The following CFDP1 variants were observed in gnomAD, a reference collection of about 807,000 sequenced individuals.
CFDP1 encodes chromatin remodeling protein CFDP1, also known as heterochromatin-stabilizing protein CFDP1.
CFDP1 carries 31 observed loss-of-function variants against 40.1 expected under a neutral mutation model. The ratio of observed to expected loss-of-function variants is 0.77; its 90% CI spans 0.58 to 1.04. The LOEUF (loss-of-function observed/expected upper bound fraction) is 1.04. CFDP1 is among the 50% of genes least tolerant of loss of function. The pLI is 0.00. For missense variants in CFDP1, 423 were observed against 343.4 expected, an observed-to-expected ratio of 1.23 and a Z score of -1.83; for synonymous variants, 167 against 120.0, an observed-to-expected ratio of 1.39 and a Z score of -2.56.
chr16:75,379,365 C>CT (rs2078833541), intron 5 of CFDP1, among the ~76,000 whole-genome samples: 1 of 151,212 alleles, frequency 6.6e-6, no homozygotes, highest in Non-Finnish European at 1.5e-5. Context: ...AGAGAAGGCA[C>CT]AAATTACCAA....
At chr16:75,409,907 G>A (rs2079141614) in intron 4 of CFDP1, among the ~76,000 whole-genome samples, 1 of 151,840 alleles carries the variant, frequency 6.6e-6, no homozygotes, top group African/African-American at 2.4e-5. Flanking sequence ...ATAATAAAAA[G>A]TTTTGTTCCA....
intron 5 of CFDP1, among the ~76,000 whole-genome samples, chr16:75,353,216 C>A (rs2078624507): frequency 1.3e-5 from 2 of 152,280 alleles, no homozygotes; most frequent in East Asian, 3.9e-4. Flanking sequence ...AAACAATTAA[C>A]CAAACTTATT....
chr16:75,301,229 A>G (rs560138839), intron 6 of CFDP1, among the ~76,000 whole-genome samples: 186 of 152,320 alleles, frequency 1.2e-3, no homozygotes, highest in Admixed American at 1.6e-3. Context: ...TACTTTATAT[A>G]TGAAGAAAAT....
At chr16:75,301,196 C>T (rs546896950) in intron 6 of CFDP1, among the ~76,000 whole-genome samples, 77 of 152,148 alleles carry the variant, frequency 5.1e-4, no homozygotes, top group Admixed American at 1.0e-3. Flanking sequence ...ACAATAATCA[C>T]GAGAGGTATA....
intron 3 of CFDP1, 105 bp from the exon 4 acceptor site, chr16:75,412,057 C>T: frequency 8.2e-7 from 1 of 1,225,196 alleles, no homozygotes; most frequent in South Asian, 1.6e-5. Flanking sequence ...ACTCTGTAGC[C>T]CAAGCTGGAG....
chr16:75,320,920 T>C lies in CFDP1; in HGVS notation c.651-15738A>G, dbSNP rs138859886. 1.1e-4 allele frequency among the ~76,000 whole-genome samples: 16 copies of C among 152,272 alleles called. 1 individual carries two copies. In the East Asian group the frequency reaches 3.1e-3, roughly 29 times the overall value. On this transcript the variant is annotated intron_variant, in intron 5 of 6. Transcript: ENST00000283882. Reference sequence around the variant, plus strand: ...CCCAAATATAAGCTACTAAATGTACTTGTACTCTGGAAGAATGCTGGAAAA... The same window carrying C: ...CCCAAATATAAGCTACTAAATGTACCTGTACTCTGGAAGAATGCTGGAAAA...
chr16:75,352,001 C>G (rs1413799047), intron 5 of CFDP1, among the ~76,000 whole-genome samples: 1 of 88,246 alleles, frequency 1.1e-5, no homozygotes, highest in African/African-American at 4.6e-5. Context: ...GACTGAGACT[C>G]TGTCTCAAAA....
intron 6 of CFDP1, among the ~76,000 whole-genome samples, chr16:75,304,425 G>A (rs1444036692): frequency 6.6e-6 from 1 of 152,168 alleles, no homozygotes; most frequent in Admixed American, 6.5e-5. Flanking sequence ...GACAAGGAAA[G>A]GACCCTTTTT....
At chr16:75,403,403 G>A (rs2079071787) in intron 4 of CFDP1, among the ~76,000 whole-genome samples, 1 of 152,148 alleles carries the variant, frequency 6.6e-6, no homozygotes, top group Non-Finnish European at 1.5e-5. Flanking sequence ...ATTTTTTGTA[G>A]AAATGGAGTT....
At chr16:75,327,848 C>T (rs184635424) in intron 5 of CFDP1, among the ~76,000 whole-genome samples, 25 of 152,156 alleles carry the variant, frequency 1.6e-4, no homozygotes, top group Admixed American at 6.5e-4. Context: ...CTCAGCCTCC[C>T]GAATAGCTGG....
At chr16:75,388,923 T>C (rs79163965) in intron 5 of CFDP1, among the ~76,000 whole-genome samples, 1 of 151,334 alleles carries the variant, frequency 6.6e-6, no homozygotes, top group African/African-American at 2.4e-5. Context: ...TTAAGGCCTT[T>C]TTTTTTTTTT....
At chr16:75,316,768 G>A (rs1268048404) in intron 5 of CFDP1, among the ~76,000 whole-genome samples, 3 of 152,056 alleles carry the variant, frequency 2.0e-5, no homozygotes, top group East Asian at 1.9e-4. Context: ...TCAGGAGTTC[G>A]AGACCAGCCT....
At chr16:75,323,448 T>TTA (rs35205002) in intron 5 of CFDP1, among the ~76,000 whole-genome samples, 3 of 151,654 alleles carry the variant, frequency 2.0e-5, no homozygotes, top group Admixed American at 1.3e-4. Context: ...TTTTTTTTTT[T>TTA]AACAAGTAGA....
intron 1 of CFDP1, among the ~76,000 whole-genome samples, chr16:75,422,600 C>T (rs570563353): frequency 1.3e-5 from 2 of 150,818 alleles, no homozygotes; most frequent in Admixed American, 1.3e-4. Context: ...TCACCATGTT[C>T]GTCAGACTAG....
chr16:75,381,031 C>T (rs1730177597), intron 5 of CFDP1, among the ~76,000 whole-genome samples: 1 of 152,156 alleles, frequency 6.6e-6, no homozygotes, highest in South Asian at 2.1e-4. Flanking sequence ...TGCCAAATTA[C>T]CCCAGCAGTG....
chr16:75,345,686 G>T (rs112998325), intron 5 of CFDP1, among the ~76,000 whole-genome samples: 3 of 152,098 alleles, frequency 2.0e-5, no homozygotes, highest in Admixed American at 6.5e-5. Context: ...AAGAGAGTTT[G>T]GTAATAAGAG....
chr16:75,329,759 A>G (rs1185591529), intron 5 of CFDP1, among the ~76,000 whole-genome samples: 2 of 152,202 alleles, frequency 1.3e-5, no homozygotes, highest in East Asian at 3.8e-4. Flanking sequence ...ATTTGATAGC[A>G]CCCTATGTAT....
chr16:75,372,283 A>AC (rs1251013297), intron 5 of CFDP1: 1 of 152,220 alleles, frequency 6.6e-6, no homozygotes, highest in Non-Finnish European at 1.5e-5. Context: ...AAAACTCATC[A>AC]CATCTAGTGG....
At chr16:75,401,674 A>T (rs537010987) in intron 4 of CFDP1, among the ~76,000 whole-genome samples, 1 of 152,170 alleles carries the variant, frequency 6.6e-6, no homozygotes, top group Non-Finnish European at 1.5e-5. Flanking sequence ...GAGAAGATGA[A>T]ATCAAATGGC....
Sources: gnomAD v4.1 joint callset for allele counts (sites outside exome capture counted in the v4.1 genomes callset) on GRCh38, gnomAD v4.1.1 for gene constraint, MANE v1.5 for transcripts, NCBI Gene and HGNC (gene_info 2026-07-23, HGNC 2026-07-21) for gene names.